IGSF21: variants seen among roughly 807,000 people sequenced by gnomAD.
IGSF21 encodes immunoglobulin superfamily member 21.
In IGSF21, 28 loss-of-function variants were observed where a neutral mutation model predicts 46.8. The observed-to-expected ratio is 0.60, with a 90% CI of 0.44 to 0.82. IGSF21 has a LOEUF of 0.82. Ranked by LOEUF, IGSF21 falls within the 40% of genes least tolerant of loss-of-function variation. The pLI is 0.00. For missense variants in IGSF21, 624 were observed against 665.5 expected (o/e 0.94, Z 0.69); for synonymous variants, 284 against 273.6 (o/e 1.04, Z -0.38).
chr1:18,257,994 A>T (rs1213407555), intron 2 of IGSF21, among the ~76,000 whole-genome samples: 1 of 152,164 alleles, frequency 6.6e-6, no homozygotes, highest in Non-Finnish European at 1.5e-5. Flanking sequence ...CTGGCTGCTG[A>T]GTTATATTTA....
At chr1:18,310,902 G>A (rs763503895) in intron 3 of IGSF21, among the ~76,000 whole-genome samples, 13 of 152,048 alleles carry the variant, frequency 8.5e-5, no homozygotes, top group Non-Finnish European at 1.8e-4. Flanking sequence ...ATCACACGGC[G>A]TTCTCCCGCT....
intron 1 of IGSF21, among the ~76,000 whole-genome samples, chr1:18,156,890 G>A (rs2086574235): frequency 6.6e-6 from 1 of 152,142 alleles, no homozygotes; most frequent in African/African-American, 2.4e-5. Context: ...TTTGAGGGGC[G>A]GAGGTAGGTG....
At chr1:18,178,491 T>A (rs1259378904) in intron 1 of IGSF21, among the ~76,000 whole-genome samples, 1 of 152,240 alleles carries the variant, frequency 6.6e-6, no homozygotes, top group Non-Finnish European at 1.5e-5. Context: ...GGGATAATAC[T>A]GCAGAACTAT....
At position 18,287,122 on chromosome 1, in the gene IGSF21, A is replaced by T. The variant is rs919455259; in HGVS notation, c.184-4744A>T. 2.0e-5 allele frequency among the ~76,000 whole-genome samples: 3 copies of T among 150,242 alleles called. No individual in the cohort carries two copies. In the South Asian group the frequency reaches 6.4e-4, roughly 32 times the overall value. On this transcript the variant is annotated intron_variant, in intron 2 of 9. Transcript: ENST00000251296. ...CGTGAACCCGGGAGGCGGAGCTTGC[A>T]GTGAGCCGAGATCGCGCCACTGCAC...
intron 1 of IGSF21, among the ~76,000 whole-genome samples, chr1:18,216,144 G>T (rs923270446): frequency 3.9e-5 from 6 of 152,132 alleles, no homozygotes; most frequent in Non-Finnish European, 8.8e-5. Flanking sequence ...AGTCAAGGAG[G>T]GGGTGACCAT....
chr1:18,375,942 C>T lies in IGSF21; in HGVS notation c.1016-368C>T, dbSNP rs112646187. The T allele has an allele frequency of 5.8e-4, 126 of 215,850 alleles. 1 individual carries two copies. The highest frequency in any genetic ancestry group is 2.4e-4 in the Non-Finnish European group (25 of 102,410). The allele number at this position is 215,850 out of a possible 1,614,324, so 13.4% of individuals were successfully genotyped here. A position where few individuals can be genotyped will look rare whatever the true frequency, so the allele number is the denominator to read the frequency against. On this transcript the variant is annotated intron_variant, in intron 6 of 9. Transcript: ENST00000251296. The stretch of plus-strand genomic sequence containing the variant: ...AGCCTAGTAGCACGTGCCCCAGGTA[C>T]GTTTCCCTCCCTGACCCCACTGTCC...
chr1:18,266,435 A>T (rs1254151165), intron 2 of IGSF21, among the ~76,000 whole-genome samples: 1 of 152,210 alleles, frequency 6.6e-6, no homozygotes, highest in Non-Finnish European at 1.5e-5. Flanking sequence ...TTTCTCACAC[A>T]TTCAGGTGGA....
intron 1 of IGSF21, among the ~76,000 whole-genome samples, chr1:18,164,043 C>T (rs2086654481): frequency 6.6e-6 from 1 of 152,142 alleles, no homozygotes; most frequent in African/African-American, 2.4e-5. Context: ...GGGAGACTGC[C>T]CAGTGGCTGA....
chr1:18,318,453 T>TGTGCGTGC (rs918170741), intron 3 of IGSF21, among the ~76,000 whole-genome samples: 9 of 133,436 alleles, frequency 6.7e-5, no homozygotes, highest in African/African-American at 2.6e-4. Flanking sequence ...TGCATGCACG[T>TGTGCGTGC]GTGCGTGCGT....
Position 18,203,089 on chromosome 1 carries a change from G to A in IGSF21, c.71-24809G>A, listed in dbSNP as rs904223624. 5.3e-5 allele frequency among the ~76,000 whole-genome samples: 8 copies of A among 152,114 alleles called. No homozygotes were observed. In the East Asian group the frequency reaches 1.2e-3, roughly 22 times the overall value. ...CCCCTGAGCCTCTGGGTGGTTGAGT[G>A]GGCTTTCTCTAGAGGACATCACAAC... On this transcript the variant is annotated intron_variant, in intron 1 of 9. Coordinates refer to ENST00000251296, the MANE Select transcript of IGSF21 (RefSeq NM_032880.5).
At position 18,134,606 on chromosome 1, in the gene IGSF21, C is replaced by T. The variant is rs1414284503; in HGVS notation, c.70+26408C>T. On this transcript the variant is annotated intron_variant, in intron 1 of 9. Coordinates refer to ENST00000251296, the MANE Select transcript of IGSF21 (RefSeq NM_032880.5). ...CAAACATCTCTGGGCTTTTCCTGGG[C>T]TGTGGATGCACATGGGCATTGGCCT... Among the ~76,000 whole-genome samples the T allele has an allele frequency of 6.6e-5, 10 of 152,306 alleles. No homozygotes were observed. The South Asian group carries it at 2.1e-3, about 32-fold the overall frequency.
intron 1 of IGSF21, among the ~76,000 whole-genome samples, chr1:18,146,505 G>C (rs1378613665): frequency 1.3e-5 from 2 of 152,172 alleles, no homozygotes; most frequent in Non-Finnish European, 2.9e-5. Context: ...CTCCAACGCA[G>C]GGAGGGATTG....
intron 3 of IGSF21, among the ~76,000 whole-genome samples, chr1:18,326,402 A>C (rs1168939314): frequency 1.3e-5 from 2 of 152,190 alleles, no homozygotes; most frequent in Non-Finnish European, 2.9e-5. Flanking sequence ...CTTGGCTCAT[A>C]AGATTGCAGG....
At chr1:18,345,531 C>T (rs182802354) in intron 4 of IGSF21, among the ~76,000 whole-genome samples, 14 of 152,186 alleles carry the variant, frequency 9.2e-5, no homozygotes, top group African/African-American at 1.4e-4. Context: ...ATTATAGGCG[C>T]GCACTACCAC....
chr1:18,152,206 AG>A (rs1557559423), intron 1 of IGSF21, among the ~76,000 whole-genome samples: 1 of 152,238 alleles, frequency 6.6e-6, no homozygotes, highest in Non-Finnish European at 1.5e-5. Flanking sequence ...ATTCATCCAC[AG>A]TGCTCCTGCC....
intron 1 of IGSF21, among the ~76,000 whole-genome samples, chr1:18,158,693 G>T (rs1017088647): frequency 6.6e-6 from 1 of 152,166 alleles, no homozygotes; most frequent in Admixed American, 6.5e-5. Flanking sequence ...CCCTGGGCTT[G>T]TGTTCAAATC....
Position 18,169,612 on chromosome 1 carries a change from T to TGAA in IGSF21, c.71-58284_71-58282dup, listed in dbSNP as rs138949121. Among the ~76,000 whole-genome samples the TGAA allele has an allele frequency of 6.3e-4, 96 of 152,344 alleles. 1 individual carries two copies. The East Asian group carries it at 0.018, about 28-fold the overall frequency. On this transcript the variant is annotated intron_variant, in intron 1 of 9. Coordinates refer to ENST00000251296, the MANE Select transcript of IGSF21 (RefSeq NM_032880.5). ...GTTAGCGAGTGTCTTTGCTGATGGC[T>TGAA]GAAGCCCCCTGCCCCCAGCCCAGGG...
intron 1 of IGSF21, among the ~76,000 whole-genome samples, chr1:18,156,655 T>C (rs1570276452): frequency 6.6e-6 from 1 of 152,172 alleles, no homozygotes; most frequent in East Asian, 1.9e-4. Flanking sequence ...GCTCAAATGT[T>C]GAGAAACCAG....
At chr1:18,242,575 G>A (rs2084742496) in intron 2 of IGSF21, among the ~76,000 whole-genome samples, 1 of 152,124 alleles carries the variant, frequency 6.6e-6, no homozygotes, top group Non-Finnish European at 1.5e-5. Flanking sequence ...CATTTCAATT[G>A]GCACATTAAT....
Sources: allele counts gnomAD v4.1 joint callset (sites outside exome capture counted in the v4.1 genomes callset), GRCh38; gene constraint gnomAD v4.1.1; transcripts MANE v1.5; gene names NCBI Gene and HGNC (gene_info 2026-07-23, HGNC 2026-07-21).